GPC6: variants seen among roughly 807,000 people sequenced by gnomAD.
The protein encoded by GPC6 is glypican 6, also known as glypican-6.
A neutral mutation model predicts 55.2 loss-of-function variants in GPC6; 14 were observed. That is an observed-to-expected ratio of 0.25 (90% CI 0.17 to 0.40). GPC6 has a LOEUF of 0.40. GPC6 is among the 10% of genes least tolerant of loss of function. The pLI, the probability that GPC6 is intolerant of heterozygous loss-of-function variation, is 1.00. For missense variants in GPC6, 641 were observed against 708.5 expected (o/e 0.90, Z 1.08); for synonymous variants, 278 against 259.6 (o/e 1.07, Z -0.68).
chr13:93,673,422 A>G (rs1881451795), intron 2 of GPC6, among the ~76,000 whole-genome samples: 1 of 152,138 alleles, frequency 6.6e-6, no homozygotes, highest in African/African-American at 2.4e-5. Context: ...CCAAGGTGGG[A>G]GGATCGCTGG....
intron 2 of GPC6, among the ~76,000 whole-genome samples, chr13:93,829,721 G>A (rs1208396474): frequency 6.6e-6 from 1 of 152,052 alleles, no homozygotes; most frequent in East Asian, 1.9e-4. Context: ...TCAAATAAAA[G>A]CAATTTAATG....
chr13:94,141,282 GA>G (rs2138880606), intron 4 of GPC6, among the ~76,000 whole-genome samples: 1 of 152,292 alleles, frequency 6.6e-6, no homozygotes, highest in Admixed American at 6.5e-5. Flanking sequence ...TTGGTTAAAG[GA>G]GGAAAGCTTT....
intron 2 of GPC6, among the ~76,000 whole-genome samples, chr13:93,689,178 T>A (rs2138777677): frequency 6.6e-6 from 1 of 152,174 alleles, no homozygotes; most frequent in East Asian, 1.9e-4. Context: ...TTCTATTTAA[T>A]AGCACAAATG....
At chr13:94,337,387 T>G (rs997991681) in intron 6 of GPC6, among the ~76,000 whole-genome samples, 2 of 152,278 alleles carry the variant, frequency 1.3e-5, no homozygotes, top group South Asian at 4.1e-4. Context: ...AGTCAGGACT[T>G]GGAGCTGCCA....
chr13:93,299,685 A>G (rs1363561388), intron 1 of GPC6, among the ~76,000 whole-genome samples: 1 of 152,244 alleles, frequency 6.6e-6, no homozygotes, highest in Non-Finnish European at 1.5e-5. Flanking sequence ...TTGCAAACTC[A>G]CATAGCTATT....
At chr13:93,750,635 T>G (rs1884546431) in intron 2 of GPC6, among the ~76,000 whole-genome samples, 1 of 152,270 alleles carries the variant, frequency 6.6e-6, no homozygotes, top group East Asian at 1.9e-4. Flanking sequence ...CCACGTGTTC[T>G]CCGTTCTCAG....
chr13:94,010,619 C>T (rs1167911664), intron 3 of GPC6, among the ~76,000 whole-genome samples: 4 of 152,092 alleles, frequency 2.6e-5, no homozygotes, highest in African/African-American at 9.6e-5. Context: ...ATTTCTATAC[C>T]ATTTGAACTA....
chr13:93,671,355 C>T (rs766766274), intron 2 of GPC6, among the ~76,000 whole-genome samples: 24 of 151,800 alleles, frequency 1.6e-4, no homozygotes, highest in Non-Finnish European at 2.6e-4. Context: ...CAATTCTAAG[C>T]GTGGAATACC....
At chr13:94,200,463 T>C (rs1889715286) in intron 4 of GPC6, among the ~76,000 whole-genome samples, 1 of 152,188 alleles carries the variant, frequency 6.6e-6, no homozygotes. Flanking sequence ...TTTCAACATA[T>C]GCAGGACAGT....
chr13:93,312,268 A>AT (rs1879098181), intron 1 of GPC6, among the ~76,000 whole-genome samples: 1 of 152,070 alleles, frequency 6.6e-6, no homozygotes, highest in Non-Finnish European at 1.5e-5. Context: ...TTATTCGTTT[A>AT]TATCAAAGTG....
At chr13:94,230,389 G>C (rs968731251) in intron 4 of GPC6, among the ~76,000 whole-genome samples, 1 of 150,234 alleles carries the variant, frequency 6.7e-6, no homozygotes, top group Admixed American at 6.6e-5. Context: ...AATGGGAGAA[G>C]AACAGATCTA....
chr13:93,681,310 A>G (rs1392457204), intron 2 of GPC6, among the ~76,000 whole-genome samples: 1 of 152,144 alleles, frequency 6.6e-6, no homozygotes, highest in Non-Finnish European at 1.5e-5. Flanking sequence ...AACTTACAGA[A>G]TTTATGTGGA....
At chr13:93,628,399 T>C (rs545311070) in intron 2 of GPC6, among the ~76,000 whole-genome samples, 3 of 152,336 alleles carry the variant, frequency 2.0e-5, no homozygotes, top group African/African-American at 7.2e-5. Context: ...GTGCATTGCC[T>C]ATTCCTTGGT....
At chr13:93,365,117 T>C (rs1881194022) in intron 1 of GPC6, among the ~76,000 whole-genome samples, 1 of 152,146 alleles carries the variant, frequency 6.6e-6, no homozygotes, top group Admixed American at 6.6e-5. Flanking sequence ...CTGCCCTTTC[T>C]CTGAAGCCAT....
At chr13:93,496,344 C>G (rs964769252) in intron 1 of GPC6, among the ~76,000 whole-genome samples, 1 of 152,200 alleles carries the variant, frequency 6.6e-6, no homozygotes, top group African/African-American at 2.4e-5. Flanking sequence ...TGACCCCTTG[C>G]GCTTCCCAAG....
intron 2 of GPC6, among the ~76,000 whole-genome samples, chr13:93,726,227 G>A (rs963402783): frequency 6.6e-6 from 1 of 151,362 alleles, no homozygotes; most frequent in African/African-American, 2.4e-5. Context: ...TCTGATTCGT[G>A]TATCGAACAT....
At chr13:93,997,233 A>G (rs1237627202) in intron 3 of GPC6, among the ~76,000 whole-genome samples, 2 of 152,196 alleles carry the variant, frequency 1.3e-5, no homozygotes, top group African/African-American at 4.8e-5. Flanking sequence ...ATGCCATAGG[A>G]GACATCACTT....
At chr13:93,368,337 T>TTTCC (rs768601581) in intron 1 of GPC6, among the ~76,000 whole-genome samples, 5,318 of 92,474 alleles carry the variant, frequency 0.058, 393 homozygotes, top group African/African-American at 0.15. Flanking sequence ...CCCTCCCTGC[T>TTTCC]TTCCTTCCTT....
intron 6 of GPC6, 180 bp downstream of exon 6, chr13:94,306,303 ATTAT>A (rs1875946716): frequency 1.4e-6 from 1 of 713,326 alleles, no homozygotes; most frequent in Non-Finnish European, 2.5e-6. Flanking sequence ...CATGTATTGG[ATTAT>A]TTAAGAAATC....
Sources: gnomAD v4.1 joint callset for allele counts (sites outside exome capture counted in the v4.1 genomes callset) on GRCh38, gnomAD v4.1.1 for gene constraint, MANE v1.5 for transcripts, NCBI Gene and HGNC (gene_info 2026-07-23, HGNC 2026-07-21) for gene names.